The following FAF1 variants were observed in gnomAD, a reference collection of about 807,000 sequenced individuals.
FAF1 encodes Fas associated factor 1.
Under a neutral mutation model 92.5 loss-of-function variants are expected in FAF1, and 25 were observed. That is an observed-to-expected ratio of 0.27 (90% confidence interval 0.20 to 0.38). The LOEUF is 0.38. Ranked by LOEUF, FAF1 falls within the 10% of genes least tolerant of loss-of-function variation. The pLI is 1.00. For synonymous variants in FAF1, 234 were observed against 273.2 expected (o/e 0.86, Z 1.42); for missense variants, 636 against 793.3 (o/e 0.80, Z 2.38).
chr1:50,909,763 G>T (rs187475105), intron 1 of FAF1, among the ~76,000 whole-genome samples: 3 of 152,194 alleles, frequency 2.0e-5, no homozygotes, highest in Non-Finnish European at 4.4e-5. Context: ...GTTTATTCTG[G>T]TTAGCCATTC....
At chr1:50,615,058 CCA>C (rs938230535) in intron 8 of FAF1, among the ~76,000 whole-genome samples, 1 of 152,100 alleles carries the variant, frequency 6.6e-6, no homozygotes, top group Non-Finnish European at 1.5e-5. Flanking sequence ...CTCTAGTAGT[CCA>C]CAGTGTCTAC....
chr1:50,672,722 C>A (rs1026141511), intron 7 of FAF1, among the ~76,000 whole-genome samples: 1 of 152,184 alleles, frequency 6.6e-6, no homozygotes, highest in Non-Finnish European at 1.5e-5. Context: ...TGCTTCACTT[C>A]ATTCTTATTT....
In FAF1 at chr1:50,439,812, C is replaced by A. The variant is rs958891528; in HGVS notation, c.*1628G>T. 1 of 152,234 alleles carries A rather than the reference C, an allele frequency of 6.6e-6. No homozygotes were observed. The highest frequency in any genetic ancestry group is 6.5e-5 in the Admixed American group (1 of 15,290). The allele number at this position is 152,234 out of a possible 1,614,324, so 9.4% of individuals were successfully genotyped here. On this transcript the variant is annotated 3_prime_UTR_variant, in exon 19 of 19. Transcript: ENST00000396153. ...TGGAGAGAAGTGTTCAGTTTGAACT[C>A]CCCTGAACACTTCCCCTGAAGGGAG...
chr1:50,668,591 T>C (rs537459569), intron 7 of FAF1, among the ~76,000 whole-genome samples: 1 of 152,320 alleles, frequency 6.6e-6, no homozygotes, highest in South Asian at 2.1e-4. Flanking sequence ...TGGCTCCAAA[T>C]GACAATTTAA....
chr1:50,761,905 G>C (rs894133843), intron 4 of FAF1, among the ~76,000 whole-genome samples: 2 of 152,128 alleles, frequency 1.3e-5, no homozygotes, highest in African/African-American at 4.8e-5. Context: ...AATTGTCCCT[G>C]TTTGCAGATG....
chr1:50,489,636 T>G (rs910639868), intron 17 of FAF1, among the ~76,000 whole-genome samples: 10 of 148,408 alleles, frequency 6.7e-5, no homozygotes, highest in African/African-American at 1.9e-4. Flanking sequence ...GAGCACATAG[T>G]ACATATCCCA....
intron 1 of FAF1, among the ~76,000 whole-genome samples, chr1:50,927,306 C>T (rs1203785220): frequency 6.6e-6 from 1 of 151,944 alleles, no homozygotes; most frequent in East Asian, 1.9e-4. Context: ...GGGGACCAAG[C>T]GTGGTGGCTC....
chr1:50,857,913 AG>A lies in FAF1; in HGVS notation c.114+15del. On this transcript the variant is annotated intron_variant, in intron 2 of 18. Transcript: ENST00000396153. ...TAAAATTTGATTACTCATCAGAGAA[AG>A]AAAAAAGTACTTACCACTAAGTCCC... The A allele has an allele frequency of 6.5e-7, 1 of 1,537,190 alleles. No homozygotes were observed. The highest frequency in any genetic ancestry group is 8.8e-7 in the Non-Finnish European group (1 of 1,131,994).
At chr1:50,493,055 G>T (rs867103409) in intron 15 of FAF1, among the ~76,000 whole-genome samples, 46 of 147,926 alleles carry the variant, frequency 3.1e-4, no homozygotes, top group African/African-American at 1.1e-3. Context: ...TTTTTTGAGG[G>T]GGAGTCTTGC....
intron 8 of FAF1, among the ~76,000 whole-genome samples, chr1:50,621,571 T>C (rs563190508): frequency 6.6e-6 from 1 of 151,718 alleles, no homozygotes; most frequent in Non-Finnish European, 1.5e-5. Flanking sequence ...TTAATTTTTT[T>C]GTATTTTTAA....
intron 1 of FAF1, among the ~76,000 whole-genome samples, chr1:50,867,394 T>C (rs1469360304): frequency 6.6e-6 from 1 of 151,892 alleles, no homozygotes; most frequent in Non-Finnish European, 1.5e-5. Flanking sequence ...CAGCATAAAC[T>C]GACAACCCAC....
intron 2 of FAF1, among the ~76,000 whole-genome samples, chr1:50,832,943 A>T (rs1644167453): frequency 6.6e-6 from 1 of 152,192 alleles, no homozygotes; most frequent in African/African-American, 2.4e-5. Context: ...TAGGCTTCAA[A>T]TCTTGGAGTC....
chr1:50,724,979 T>C (rs568011665), intron 6 of FAF1, among the ~76,000 whole-genome samples: 4 of 152,330 alleles, frequency 2.6e-5, no homozygotes, highest in African/African-American at 7.2e-5. Context: ...CACATGAGCA[T>C]AAAGGTTCTC....
intron 1 of FAF1, among the ~76,000 whole-genome samples, chr1:50,938,844 G>A (rs1645107773): frequency 6.6e-6 from 1 of 152,096 alleles, no homozygotes. Flanking sequence ...TCTCCTCATT[G>A]TTTTTGTCAG....
intron 15 of FAF1, among the ~76,000 whole-genome samples, chr1:50,506,924 C>T (rs992423198): frequency 6.6e-6 from 1 of 152,166 alleles, no homozygotes; most frequent in Non-Finnish European, 1.5e-5. Context: ...CTTCTTCTTC[C>T]TGCCATTACT....
At chr1:50,665,994 T>C (rs1450367702) in intron 7 of FAF1, among the ~76,000 whole-genome samples, 2 of 152,020 alleles carry the variant, frequency 1.3e-5, no homozygotes, top group African/African-American at 4.8e-5. Context: ...CTGGCCAACA[T>C]GGTGAAACCC....
chr1:50,452,356 C>A (rs1646304153), intron 18 of FAF1, among the ~76,000 whole-genome samples: 1 of 152,158 alleles, frequency 6.6e-6, no homozygotes, highest in South Asian at 2.1e-4. Context: ...CAGCAGTGTG[C>A]CCAGCTTACA....
chr1:50,525,801 C>G (rs10888692), intron 15 of FAF1, among the ~76,000 whole-genome samples: 68,642 of 151,896 alleles, frequency 0.45, 16,592 homozygotes, highest in African/African-American at 0.59. Context: ...TGTCAGTTGA[C>G]TCTTGTTAGT....
intron 7 of FAF1, among the ~76,000 whole-genome samples, chr1:50,697,271 C>A (rs531233980): frequency 1.3e-5 from 2 of 152,174 alleles, no homozygotes; most frequent in Non-Finnish European, 1.5e-5. Context: ...CAGGGACACT[C>A]TAATACTTAG....
Sources: gnomAD v4.1 joint callset for allele counts (sites outside exome capture counted in the v4.1 genomes callset) on GRCh38, gnomAD v4.1.1 for gene constraint, MANE v1.5 for transcripts, NCBI Gene and HGNC (gene_info 2026-07-23, HGNC 2026-07-21) for gene names.